Variants in CRIM1 observed in about 807,000 individuals in gnomAD.
CRIM1 encodes cysteine rich transmembrane BMP regulator 1.
CRIM1 carries 32 observed loss-of-function variants against 116.4 expected under a neutral mutation model. The observed-to-expected ratio is 0.27, with a 90% confidence interval of 0.21 to 0.37. CRIM1 has a LOEUF of 0.37. Ranked by LOEUF, CRIM1 falls within the 10% of genes least tolerant of loss-of-function variation. The pLI, the probability that CRIM1 is intolerant of heterozygous loss-of-function variation, is 1.00. For missense variants in CRIM1, 1,331 were observed against 1,354.8 expected (o/e 0.98, Z 0.28); for synonymous variants, 590 against 509.2 (o/e 1.16, Z -2.13).
chr2:36,412,802 C>T (rs1033993001), intron 2 of CRIM1, among the ~76,000 whole-genome samples: 7 of 151,972 alleles, frequency 4.6e-5, no homozygotes, highest in African/African-American at 1.7e-4. Context: ...CATAATGTAA[C>T]ATGATTGATT....
chr2:36,517,236 C>T lies in CRIM1; in HGVS notation c.1991-91C>T. On this transcript the variant is annotated intron_variant, in intron 11 of 16. Coordinates refer to ENST00000280527, the MANE Select transcript of CRIM1 (RefSeq NM_016441.3). ...GCGAGATGCTCTTCACAGTTCATCT[C>T]TTCTATCCCTTAAAGCAAACAGCAC... 3.1e-6 allele frequency: 3 copies of T among 970,948 alleles called. No individual in the cohort carries two copies. The Admixed American group carries it at 5.6e-5, about 18-fold the overall frequency. 60.1% of individuals were successfully genotyped at this position (970,948 alleles called of 1,614,324 possible).
chr2:36,527,423 T>C (rs1665825964), intron 13 of CRIM1, among the ~76,000 whole-genome samples: 1 of 152,180 alleles, frequency 6.6e-6, no homozygotes, highest in Non-Finnish European at 1.5e-5. Context: ...TTTACTAATA[T>C]TCGAAGTGGG....
intron 2 of CRIM1, among the ~76,000 whole-genome samples, chr2:36,425,835 C>T (rs1437028334): frequency 6.6e-6 from 1 of 152,130 alleles, no homozygotes; most frequent in Non-Finnish European, 1.5e-5. Context: ...CAGAGTAGAG[C>T]CTTGCAATTC....
chr2:36,464,148 CTGTATTAGCCTG>C (rs1161732067), intron 4 of CRIM1, among the ~76,000 whole-genome samples: 1 of 152,196 alleles, frequency 6.6e-6, no homozygotes, highest in Non-Finnish European at 1.5e-5. Flanking sequence ...AACACTCACT[CTGTATTAGCCTG>C]TGCAAGCATC....
rs1667677423 is a variant in CRIM1 at position 36,550,302 on chromosome 2, A to C, written c.*1601A>C. On this transcript the variant is annotated 3_prime_UTR_variant, in exon 17 of 17. Coordinates refer to ENST00000280527, the MANE Select transcript of CRIM1 (RefSeq NM_016441.3). Reference sequence around the variant, plus strand: ...TGGAATATTGTCCACAATAAGCTGGAAGTTTGTTGTAGTATGCCTCAAATA... The same window carrying C: ...TGGAATATTGTCCACAATAAGCTGGCAGTTTGTTGTAGTATGCCTCAAATA... 6.6e-6 allele frequency: 1 copy of C among 151,134 alleles called. No homozygotes were observed. The highest frequency in any genetic ancestry group is 2.1e-4 in the South Asian group (1 of 4,780). The allele number at this position is 151,134 out of a possible 1,614,324, so 9.4% of individuals were successfully genotyped here. A position where few individuals can be genotyped will look rare whatever the true frequency, so the allele number is the denominator to read the frequency against.
In CRIM1 at chr2:36,493,788, A is replaced by C. The variant is rs765158536; in HGVS notation, c.1373-5431A>C. Among the ~76,000 whole-genome samples, 4 of 152,222 alleles carry C rather than the reference A, an allele frequency of 2.6e-5. No homozygotes were observed. In the South Asian group the frequency reaches 8.3e-4, roughly 32 times the overall value. On this transcript the variant is annotated intron_variant, in intron 7 of 16. Transcript: ENST00000280527. ...GACAGCAATTTAAAAGCATCCATTA[A>C]TATTGTCATTTAGGCTACATATACC...
At chr2:36,444,770 A>T (rs555727233) in intron 4 of CRIM1, among the ~76,000 whole-genome samples, 1 of 152,208 alleles carries the variant, frequency 6.6e-6, no homozygotes, top group Non-Finnish European at 1.5e-5. Flanking sequence ...CTCCTCCTCC[A>T]GCTCTCTCAC....
Position 36,537,480 on chromosome 2 carries a change from A to G in CRIM1, c.2557A>G (p.Ser853Gly), listed in dbSNP as rs1242638621. The stretch of plus-strand genomic sequence containing the variant: ...GGGCCAGACCCTCTGCTCGACCGTC[A>G]GCTGCCCCCCTCTGCCCTGTGTTGA... Reference protein sequence around the residue: ...LQGQTLCSTVSCPPLPCVEPI... With the variant: ...LQGQTLCSTVGCPPLPCVEPI... Residue 853 changes from serine to glycine, a missense_variant, in exon 14 of 17, where the codon AGC becomes GGC. By Grantham distance (56) the Ser-to-Gly change is moderately conservative. Coordinates refer to ENST00000280527, the MANE Select transcript of CRIM1 (RefSeq NM_016441.3). The G allele has an allele frequency of 6.2e-7, 1 of 1,614,094 alleles. No homozygotes were observed. Among genetic ancestry groups the G allele is most frequent in the Non-Finnish European group, 8.5e-7 (1 of 1,180,038 alleles).
intron 2 of CRIM1, among the ~76,000 whole-genome samples, chr2:36,425,558 A>C (rs1054757460): frequency 6.6e-6 from 1 of 152,226 alleles, no homozygotes; most frequent in African/African-American, 2.4e-5. Context: ...TTAATTTAAT[A>C]ATTCTTGCTT....
At chr2:36,457,630 T>C (rs1046579878) in intron 4 of CRIM1, among the ~76,000 whole-genome samples, 6 of 152,114 alleles carry the variant, frequency 3.9e-5, no homozygotes, top group African/African-American at 7.2e-5. Context: ...AAATCTCTTA[T>C]GGTGAGGCAC....
chr2:36,377,185 G>A (rs1417405877), intron 1 of CRIM1, among the ~76,000 whole-genome samples: 3 of 152,184 alleles, frequency 2.0e-5, no homozygotes, highest in East Asian at 3.9e-4. Flanking sequence ...CACTGGTGGC[G>A]CTGGTCTCAC....
intron 1 of CRIM1, among the ~76,000 whole-genome samples, chr2:36,368,028 C>G (rs1225061780): frequency 6.6e-6 from 1 of 152,208 alleles, no homozygotes; most frequent in African/African-American, 2.4e-5. Flanking sequence ...GCCTCTGACA[C>G]TAGGAGAGAG....
Position 36,548,991 on chromosome 2 carries a change from A to T in CRIM1, c.*290A>T. The T allele has an allele frequency of 5.8e-5, 10 of 173,326 alleles. No individual in the cohort carries two copies. The highest frequency in any genetic ancestry group is 1.1e-4 in the Non-Finnish European group (9 of 81,770). 10.7% of individuals were successfully genotyped at this position (173,326 alleles called of 1,614,324 possible). A position where few individuals can be genotyped will look rare whatever the true frequency, so the allele number is the denominator to read the frequency against. ...AGAGATATTTGGGGTGGGGACAGTG[A>T]GTTTGGATGGGGAAATGGGTGGGAG... On this transcript the variant is annotated 3_prime_UTR_variant, in exon 17 of 17. Transcript: ENST00000280527.
chr2:36,454,132 C>A (rs962142381), intron 4 of CRIM1, among the ~76,000 whole-genome samples: 17 of 152,184 alleles, frequency 1.1e-4, no homozygotes, highest in African/African-American at 4.1e-4. Flanking sequence ...CAGCCCTGAC[C>A]TCCCTCTCTG....
At chr2:36,497,276 A>C (rs750762316) in intron 7 of CRIM1, among the ~76,000 whole-genome samples, 9 of 152,182 alleles carry the variant, frequency 5.9e-5, no homozygotes, top group Non-Finnish European at 1.2e-4. Context: ...ATCGCTCTAG[A>C]ACATAGAAGT....
intron 7 of CRIM1, among the ~76,000 whole-genome samples, chr2:36,491,586 T>A (rs1274003697): frequency 6.6e-6 from 1 of 152,216 alleles, no homozygotes; most frequent in Non-Finnish European, 1.5e-5. Flanking sequence ...GGTGCTTAGA[T>A]GTCTTTCGTT....
chr2:36,359,587 T>C (rs765062964), intron 1 of CRIM1, among the ~76,000 whole-genome samples: 3 of 152,092 alleles, frequency 2.0e-5, no homozygotes, highest in Non-Finnish European at 4.4e-5. Context: ...ATCCTATCCA[T>C]AGAAAGAATG....
chr2:36,428,674 A>G (rs763225357), intron 2 of CRIM1, among the ~76,000 whole-genome samples: 1 of 152,250 alleles, frequency 6.6e-6, no homozygotes, highest in Non-Finnish European at 1.5e-5. Context: ...TCTATCTTGT[A>G]ACAAATAGAT....
intron 2 of CRIM1, among the ~76,000 whole-genome samples, chr2:36,397,982 A>C (rs1672148690): frequency 6.6e-6 from 1 of 152,116 alleles, no homozygotes; most frequent in African/African-American, 2.4e-5. Flanking sequence ...ATCATGACTT[A>C]AACAATGCCA....
Sources: allele counts gnomAD v4.1 joint callset (sites outside exome capture counted in the v4.1 genomes callset), GRCh38; gene constraint gnomAD v4.1.1; transcripts MANE v1.5; gene names NCBI Gene and HGNC (gene_info 2026-07-23, HGNC 2026-07-21).